The following LYPD6B variants were observed in gnomAD, a reference collection of about 807,000 sequenced individuals.
The protein encoded by LYPD6B is LY6/PLAUR domain containing 6B.
A neutral mutation model predicts 22.8 loss-of-function variants in LYPD6B; 17 were observed. That is an observed-to-expected ratio of 0.75 (90% CI 0.51 to 1.12). LYPD6B has a LOEUF of 1.12. Among genes scored for constraint, LYPD6B ranks in the 50% most tolerant of loss-of-function variants. The pLI is 0.00. For missense variants in LYPD6B, 221 were observed against 258.3 expected, an observed-to-expected ratio of 0.86 and a Z score of 0.99; for synonymous variants, 106 against 91.6, an observed-to-expected ratio of 1.16 and a Z score of -0.90.
chr2:149,170,417 C>G (rs1295808796), intron 3 of LYPD6B, among the ~76,000 whole-genome samples: 2 of 152,162 alleles, frequency 1.3e-5, no homozygotes, highest in African/African-American at 4.8e-5. Flanking sequence ...TATCACGTCA[C>G]TGTTCTCTGT....
chr2:149,154,932 G>A (rs1470022974), intron 2 of LYPD6B, among the ~76,000 whole-genome samples: 1 of 152,098 alleles, frequency 6.6e-6, no homozygotes, highest in Non-Finnish European at 1.5e-5. Context: ...ATTTAGTAAA[G>A]CTAATACATA....
At chr2:149,068,756 A>G in intron 1 of LYPD6B, 1 of 513,918 alleles carries the variant, frequency 1.9e-6, no homozygotes, top group Non-Finnish European at 4.0e-6. Context: ...AAGGGATATC[A>G]TGTTAGAATA....
intron 1 of LYPD6B, among the ~76,000 whole-genome samples, chr2:149,054,227 G>A (rs1416515426): frequency 6.6e-6 from 1 of 152,078 alleles, no homozygotes; most frequent in Non-Finnish European, 1.5e-5. Context: ...AATGTATGAG[G>A]GTTCCAATTT....
At chr2:149,126,015 A>G (rs897456445) in intron 1 of LYPD6B, among the ~76,000 whole-genome samples, 10 of 152,230 alleles carry the variant, frequency 6.6e-5, no homozygotes, top group African/African-American at 1.7e-4. Flanking sequence ...CTGTCAGTTT[A>G]TAAGTAAATA....
chr2:149,198,429 CTT>C (rs757529048), intron 3 of LYPD6B, among the ~76,000 whole-genome samples: 11 of 152,278 alleles, frequency 7.2e-5, no homozygotes, highest in Non-Finnish European at 1.2e-4. Context: ...AAAATCCTGT[CTT>C]TGACAGAAAT....
At chr2:149,039,203 G>A (rs185648202) in intron 1 of LYPD6B, among the ~76,000 whole-genome samples, 1 of 152,368 alleles carries the variant, frequency 6.6e-6, no homozygotes, top group Admixed American at 6.5e-5. Context: ...AAGGCCGATC[G>A]TGGGGCCAAG....
intron 1 of LYPD6B, among the ~76,000 whole-genome samples, chr2:149,106,981 G>A (rs1050983105): frequency 1.3e-5 from 2 of 151,988 alleles, no homozygotes; most frequent in Non-Finnish European, 2.9e-5. Context: ...CATGGATAGT[G>A]CGGAACCCTA....
rs566342826 is a variant in LYPD6B at position 149,046,479 on chromosome 2, T to A, written c.-67+7678T>A. On this transcript the variant is annotated intron_variant, in intron 1 of 6. Coordinates refer to ENST00000409642, the MANE Select transcript of LYPD6B (RefSeq NM_177964.5). ...CTATTTGTTCTATCTGTTCTTTTTT[T>A]TTCTTGTTTCTTGAGCTTTTTTTGT... Among the ~76,000 whole-genome samples the A allele has an allele frequency of 7.2e-5, 11 of 152,134 alleles. No homozygotes were observed. In the East Asian group the frequency reaches 1.4e-3, roughly 19 times the overall value.
chr2:149,120,033 G>GAT (rs1335460769), intron 1 of LYPD6B, among the ~76,000 whole-genome samples: 1 of 152,092 alleles, frequency 6.6e-6, no homozygotes, highest in African/African-American at 2.4e-5. Context: ...GGAGACTGAA[G>GAT]TTAAATGTTC....
intron 1 of LYPD6B, among the ~76,000 whole-genome samples, chr2:149,039,597 G>C (rs776163919): frequency 6.6e-6 from 1 of 152,180 alleles, no homozygotes; most frequent in Non-Finnish European, 1.5e-5. Flanking sequence ...AGTAAAATAG[G>C]TATTATTAAT....
At chr2:149,114,375 C>T (rs1212953306) in intron 1 of LYPD6B, among the ~76,000 whole-genome samples, 2 of 152,154 alleles carry the variant, frequency 1.3e-5, no homozygotes, top group African/African-American at 4.8e-5. Flanking sequence ...TTAAATCACT[C>T]ATGATAAAGG....
chr2:149,081,732 G>A (rs987331651), intron 1 of LYPD6B, among the ~76,000 whole-genome samples: 1 of 152,066 alleles, frequency 6.6e-6, no homozygotes, highest in African/African-American at 2.4e-5. Flanking sequence ...AAGTCTATCA[G>A]CATCAAGTTT....
At position 149,100,934 on chromosome 2, in the gene LYPD6B, A is replaced by G. The variant is rs186410084; in HGVS notation, c.-66-29949A>G. 5.3e-5 allele frequency among the ~76,000 whole-genome samples: 8 copies of G among 152,274 alleles called. No individual in the cohort carries two copies. In the East Asian group the frequency reaches 1.4e-3, roughly 26 times the overall value. On this transcript the variant is annotated intron_variant, in intron 1 of 6. Coordinates refer to ENST00000409642, the MANE Select transcript of LYPD6B (RefSeq NM_177964.5). ...CCTCCTGCCGTCAGCTGTCTGTGGC[A>G]TTTTTAATCCACCTCTTGTTGCTGG...
At chr2:149,173,252 G>A (rs1380697473) in intron 3 of LYPD6B, among the ~76,000 whole-genome samples, 1 of 150,070 alleles carries the variant, frequency 6.7e-6, no homozygotes, top group Admixed American at 6.7e-5. Flanking sequence ...AACTAGCAAG[G>A]TCTTGGTTAT....
chr2:149,213,180 AG>A, intron 6 of LYPD6B, 58 bp downstream of exon 6: 4 of 1,592,146 alleles, frequency 2.5e-6, no homozygotes, highest in Non-Finnish European at 3.4e-6. Flanking sequence ...TGTAAGTCGT[AG>A]ATCAAAGGAG....
chr2:149,150,380 G>A (rs1689294075), intron 2 of LYPD6B, among the ~76,000 whole-genome samples: 1 of 152,170 alleles, frequency 6.6e-6, no homozygotes, highest in South Asian at 2.1e-4. Context: ...TTAATAGGAA[G>A]TCAAATTCTT....
intron 3 of LYPD6B, among the ~76,000 whole-genome samples, chr2:149,166,254 G>T (rs1404016469): frequency 6.6e-6 from 1 of 152,088 alleles, no homozygotes; most frequent in African/African-American, 2.4e-5. Flanking sequence ...TTAATCTAGG[G>T]TTTGTTGAAC....
intron 4 of LYPD6B, among the ~76,000 whole-genome samples, chr2:149,205,660 T>A (rs1005897456): frequency 6.6e-6 from 1 of 152,230 alleles, no homozygotes; most frequent in Admixed American, 6.5e-5. Context: ...GGAGCACTGT[T>A]CCTAATCATG....
intron 2 of LYPD6B, among the ~76,000 whole-genome samples, chr2:149,134,494 G>A (rs948720378): frequency 6.6e-6 from 1 of 152,130 alleles, no homozygotes; most frequent in Non-Finnish European, 1.5e-5. Context: ...TTCCTTGGGG[G>A]ATGGGAATGC....
Sources: gnomAD v4.1 joint callset for allele counts (sites outside exome capture counted in the v4.1 genomes callset) on GRCh38, gnomAD v4.1.1 for gene constraint, MANE v1.5 for transcripts, NCBI Gene and HGNC (gene_info 2026-07-23, HGNC 2026-07-21) for gene names.